TOPORS: variants seen among roughly 807,000 people sequenced by gnomAD.
TOPORS encodes the protein E3 ubiquitin-protein ligase Topors.
In TOPORS, 25 loss-of-function variants were observed where a neutral mutation model predicts 81.4. That is an observed-to-expected ratio of 0.31 (90% confidence interval 0.22 to 0.43). The LOEUF (loss-of-function observed/expected upper bound fraction) is 0.43. Among genes scored for constraint, TOPORS ranks in the 20% least tolerant of loss-of-function variants. The pLI, the probability that TOPORS is intolerant of heterozygous loss-of-function variation, is 1.00. For synonymous variants in TOPORS, 473 were observed against 456.6 expected (o/e 1.04, Z -0.46); for missense variants, 1,101 against 1,267.0 (o/e 0.87, Z 1.99).
rs1430538048 is a variant in TOPORS at position 32,552,446 on chromosome 9, A to T, written c.-10T>A. The T allele has an allele frequency of 1.2e-6, 2 of 1,606,728 alleles. No individual in the cohort carries two copies. The highest frequency in any genetic ancestry group is 4.5e-5 in the East Asian group (2 of 44,676). ...GCCGCCTCCTTACCATGAAGCCAGTAAGTCGTCGCACGCTGGACTGGATTT... is the reference window on the plus strand; with the variant it reads ...GCCGCCTCCTTACCATGAAGCCAGTTAGTCGTCGCACGCTGGACTGGATTT... On this transcript the variant is annotated 5_prime_UTR_variant, in exon 1 of 3. Coordinates refer to ENST00000360538, the MANE Select transcript of TOPORS (RefSeq NM_005802.5).
In TOPORS at chr9:32,549,523, T is replaced by C. The variant is rs545501664; in HGVS notation, c.198+1251A>G. ...TAAAATGGAATTGAAAAGGTGGTTG[T>C]GTGACGGGACATATTTCATAAAAAC... On this transcript the variant is annotated intron_variant, in intron 2 of 2. Transcript: ENST00000360538. 6.6e-5 allele frequency among the ~76,000 whole-genome samples: 10 copies of C among 152,262 alleles called. 1 individual carries two copies. In the South Asian group the frequency reaches 2.1e-3, roughly 32 times the overall value.
At chr9:32,550,742 C>T in intron 2 of TOPORS, 32 bp downstream of exon 2, 1 of 1,611,794 alleles carries the variant, frequency 6.2e-7, no homozygotes. Context: ...CCCTTCCGAC[C>T]CCCGCGTCCC....
rs1388441992 is a variant in TOPORS at position 32,544,285 on chromosome 9, A to G, written c.240T>C (p.Phe80=). Reference sequence around the variant, plus strand: ...ATTTGCTAGTGCCAGCTTTAGGTGAAAAGTTGTCCATTTTAAATTCCTTAG... The same window carrying G: ...ATTTGCTAGTGCCAGCTTTAGGTGAGAAGTTGTCCATTTTAAATTCCTTAG... ...SAAKEFKMDN[F]SPKAGTSKLQ... Residue 80 remains phenylalanine (F), a synonymous_variant, in exon 3 of 3, where the codon TTT becomes TTC. Coordinates refer to ENST00000360538, the MANE Select transcript of TOPORS (RefSeq NM_005802.5). The G allele has an allele frequency of 3.1e-6, 5 of 1,603,658 alleles. No homozygotes were observed. The Admixed American group carries it at 5.0e-5, about 16-fold the overall frequency.
chr9:32,545,515 C>T (rs1045499237), intron 2 of TOPORS, among the ~76,000 whole-genome samples: 2 of 151,668 alleles, frequency 1.3e-5, no homozygotes, highest in Non-Finnish European at 2.9e-5. Context: ...TAATCCAGCA[C>T]TTTGGGAGGC....
chr9:32,550,711 C>T, intron 2 of TOPORS, 63 bp downstream of exon 2: 1 of 1,587,722 alleles, frequency 6.3e-7, no homozygotes, highest in South Asian at 1.1e-5. Context: ...CCGCTCCAGG[C>T]GGGAGCGCCA....
chr9:32,541,565 G>A lies in TOPORS; in HGVS notation c.2960C>T (p.Pro987Leu). The change falls in exon 3 of 3, where the codon CCT becomes CTT. Residue 987 changes from proline to leucine, a missense_variant. By Grantham distance (98) the Pro-to-Leu change is moderately conservative (BLOSUM62 -3). Transcript: ENST00000360538. ...NANKTVDNIP[P>L]LAASVEQTLD... The stretch of plus-strand genomic sequence containing the variant: ...AGTTTGTTCAACTGAAGCTGCCAGA[G>A]GTGGAATATTATCTACAGTTTTGTT... 5 of 1,614,176 alleles carry A rather than the reference G, an allele frequency of 3.1e-6. No homozygotes were observed. The highest frequency in any genetic ancestry group is 4.2e-6 in the Non-Finnish European group (5 of 1,180,022).
At chr9:32,550,275 G>A (rs933212175) in intron 2 of TOPORS, among the ~76,000 whole-genome samples, 3 of 152,316 alleles carry the variant, frequency 2.0e-5, no homozygotes, top group African/African-American at 7.2e-5. Context: ...TGCTCAGAAT[G>A]TTTAACACAA....
chr9:32,544,242 C>T lies in TOPORS; in HGVS notation c.283G>A (p.Ala95Thr), dbSNP rs200702814. Residue 95 changes from alanine to threonine, a missense_variant, in exon 3 of 3, where the codon GCT (alanine) becomes ACT (threonine). This residue lies in a region of TOPORS where 48 missense variants were observed against 73.3 expected (regional missense o/e 0.65). Coordinates refer to ENST00000360538, the MANE Select transcript of TOPORS (RefSeq NM_005802.5). ...GTSKLQQTVP[A>T]DASPDSKCPI... ...CACTTAGAATCAGGAGATGCATCAG[C>T]TGGTACTGTCTGTTGCAATTTGCTA... 4.3e-6 allele frequency: 7 copies of T among 1,609,518 alleles called. No individual in the cohort carries two copies. The East Asian group carries it at 1.3e-4, about 31-fold the overall frequency.
At position 32,542,053 on chromosome 9, in the gene TOPORS, A is replaced by T. The variant is rs182154008; in HGVS notation, c.2472T>A (p.His824Gln). 5.3e-5 allele frequency: 86 copies of T among 1,614,066 alleles called. No homozygotes were observed. Among genetic ancestry groups the T allele is most frequent in the Non-Finnish European group, 6.8e-5 (80 of 1,180,012 alleles). The change falls in exon 3 of 3, where the codon CAT becomes CAA. Residue 824 changes from histidine to glutamine, a missense_variant. By Grantham distance (24) the His-to-Gln change is conservative (BLOSUM62 0). This residue lies in a region of TOPORS where 605 missense variants were observed against 636.1 expected (regional missense o/e 0.95). Coordinates refer to ENST00000360538, the MANE Select transcript of TOPORS (RefSeq NM_005802.5). Reference sequence around the variant, plus strand: ...CCAATTTTGATGAAGATTTTTGGTAATGACTGTCCTTTGCTTTAGAAGCAA... The same window carrying T: ...CCAATTTTGATGAAGATTTTTGGTATTGACTGTCCTTTGCTTTAGAAGCAA... ...REFASKAKDS[H>Q]YQKSSSKLDG... is the part of the protein sequence containing the mutation.
chr9:32,550,687 C>T, intron 2 of TOPORS, 87 bp downstream of exon 2: 2 of 1,519,722 alleles, frequency 1.3e-6, no homozygotes, highest in Non-Finnish European at 9.1e-7. Context: ...CCGCAACCCT[C>T]GGGTCCCGAG....
Position 32,550,943 on chromosome 9 carries a change from G to A in TOPORS, c.29C>T (p.Pro10Leu), listed in dbSNP as rs777171069. The A allele has an allele frequency of 3.6e-5, 58 of 1,612,020 alleles. No individual in the cohort carries two copies. In the South Asian group the frequency reaches 5.9e-4, roughly 16 times the overall value. ...CGCTTCACCCTCCTCGCGAGACAGCGGAGACCCCAGCGGCGGCTGCGACCC... is the reference window on the plus strand; with the variant it reads ...CGCTTCACCCTCCTCGCGAGACAGCAGAGACCCCAGCGGCGGCTGCGACCC... MGSQPPLGS[P>L]LSREEGEAPP... Residue 10 changes from proline (P) to leucine (L), a missense_variant, in exon 2 of 3, where the codon CCG becomes CTG. This residue lies in a region of TOPORS where 131 missense variants were observed against 101.0 expected (regional missense o/e 1.30). Coordinates refer to ENST00000360538, the MANE Select transcript of TOPORS (RefSeq NM_005802.5).
chr9:32,552,168 A>G (rs1821288745), intron 1 of TOPORS: 1 of 508,814 alleles, frequency 2.0e-6, no homozygotes, highest in Non-Finnish European at 3.4e-6. Flanking sequence ...CTATCTCCTT[A>G]GTTGGCAAAA....
chr9:32,547,598 C>A (rs1222868885), intron 2 of TOPORS, among the ~76,000 whole-genome samples: 1 of 151,944 alleles, frequency 6.6e-6, no homozygotes, highest in Non-Finnish European at 1.5e-5. Context: ...AAAAAAAATT[C>A]ACAAGAACCC....
Position 32,550,912 on chromosome 9 carries a change from CG to C in TOPORS, c.59del (p.Pro20ArgfsTer48). The part of the protein sequence containing the change: ...PLSREEGEAP[P>X]PAPASEGRRR... Reference sequence around the variant, plus strand: ...GCCTACCCTCCGAAGCGGGAGCAGGCGGGGGCGCTTCACCCTCCTCGCGAGA... The same window carrying C: ...GCCTACCCTCCGAAGCGGGAGCAGGCGGGGCGCTTCACCCTCCTCGCGAGA... On this transcript the variant is annotated frameshift_variant, in exon 2 of 3. Coordinates refer to ENST00000360538, the MANE Select transcript of TOPORS (RefSeq NM_005802.5). LOFTEE classifies it high-confidence loss of function. 6.2e-7 allele frequency: 1 copy of C among 1,612,842 alleles called. No individual in the cohort carries two copies.
At position 32,541,729 on chromosome 9, in the gene TOPORS, T is replaced by C; in HGVS notation, c.2796A>G (p.Gln932=). ...CCAAAAACTCATTTTGTAGAGGGTC[T>C]TGAGGACCACTATTGTCACATTCTG... is the stretch of plus-strand genomic sequence containing the variant. The part of the protein sequence containing the change: ...EDTECDNSGP[Q]DPLQNEFLAP... Residue 932 remains glutamine, a synonymous_variant, in exon 3 of 3, where the codon CAA becomes CAG. Transcript: ENST00000360538. 1.2e-6 allele frequency: 2 copies of C among 1,614,222 alleles called. No individual in the cohort carries two copies. The highest frequency in any genetic ancestry group is 2.2e-5 in the South Asian group (2 of 91,082).
rs748984019 is a variant in TOPORS at position 32,542,066 on chromosome 9, G to C, written c.2459C>G (p.Ala820Gly). 6.2e-7 allele frequency: 1 copy of C among 1,613,920 alleles called. No homozygotes were observed. The highest frequency in any genetic ancestry group is 8.5e-7 in the Non-Finnish European group (1 of 1,180,024). ...AQPSREFASK[A>G]KDSHYQKSSS... ...AGATTTTTGGTAATGACTGTCCTTT[G>C]CTTTAGAAGCAAATTCACGAGATGG... is the stretch of plus-strand genomic sequence containing the variant. Residue 820 changes from alanine (A) to glycine (G), a missense_variant, in exon 3 of 3, where the codon GCA becomes GGA. Ala to Gly is a moderately conservative substitution (Grantham distance 60). This residue lies in a region of TOPORS where 605 missense variants were observed against 636.1 expected (regional missense o/e 0.95). Coordinates refer to ENST00000360538, the MANE Select transcript of TOPORS (RefSeq NM_005802.5).
rs776789949 is a variant in TOPORS, at chr9:32,543,345, T to C, written c.1180A>G (p.Ile394Val). 3.1e-6 allele frequency: 5 copies of C among 1,614,132 alleles called. No homozygotes were observed. The highest frequency in any genetic ancestry group is 2.2e-5 in the East Asian group (1 of 44,876). The change falls in exon 3 of 3, where the codon ATA becomes GTA. Residue 394 changes from isoleucine to valine, a missense_variant. By Grantham distance (29) the Ile-to-Val change is conservative. Coordinates refer to ENST00000360538, the MANE Select transcript of TOPORS (RefSeq NM_005802.5). This position sits in a 1 kb window ranked among gnomAD's most constrained non-coding sequence, Gnocchi z 5.6. ...GSHSDSSVIT[I>V]SPDEAETQEL... ...TGGGTCTCAGCCTCATCTGGAGATA[T>C]TGTTATGACTGAAGAATCAGAATGG...
chr9:32,542,265 T>A lies in TOPORS; in HGVS notation c.2260A>T (p.Asn754Tyr). 6.2e-7 allele frequency: 1 copy of A among 1,614,148 alleles called. No individual in the cohort carries two copies. Among genetic ancestry groups the A allele is most frequent in the Non-Finnish European group, 8.5e-7 (1 of 1,180,024 alleles). ...TAATACTTCCTCTCACTGTGATTAT[T>A]TTTTTTCCTAGCATTTGTTCTTTCA... Reference protein sequence around the residue: ...FSERTNARKKNNHSERKYYYY... With the variant: ...FSERTNARKKYNHSERKYYYY... Residue 754 changes from asparagine (N) to tyrosine (Y), a missense_variant, in exon 3 of 3, where the codon AAT (asparagine) becomes TAT (tyrosine). Around this residue, in one of 9 missense-constraint regions of TOPORS, gnomAD observed 605 missense variants for 636.1 expected, o/e 0.95. Coordinates refer to ENST00000360538, the MANE Select transcript of TOPORS (RefSeq NM_005802.5).
Position 32,541,287 on chromosome 9 carries a change from G to T in TOPORS, c.*100C>A. On this transcript the variant is annotated 3_prime_UTR_variant, in exon 3 of 3. Transcript: ENST00000360538. ...TTAAAATATTGTAAGGAGGAAGAGA[G>T]TTTTCACCAAATGTCATCTTTAAAT... is the stretch of plus-strand genomic sequence containing the variant. The T allele has an allele frequency of 8.3e-7, 1 of 1,203,848 alleles. No homozygotes were observed. Among genetic ancestry groups the T allele is most frequent in the African/African-American group, 1.5e-5 (1 of 65,684 alleles). 74.6% of individuals were successfully genotyped at this position (1,203,848 alleles called of 1,614,324 possible). A position where few individuals can be genotyped will look rare whatever the true frequency, so the allele number is the denominator to read the frequency against.
Sources: allele counts gnomAD v4.1 joint callset (sites outside exome capture counted in the v4.1 genomes callset), GRCh38; gene constraint gnomAD v4.1.1; regional missense constraint gnomAD v4.1.1; non-coding constraint Gnocchi (gnomAD v3.1); transcripts MANE v1.5; gene names NCBI Gene and HGNC (gene_info 2026-07-23, HGNC 2026-07-21).